EEA1: variants seen among roughly 807,000 people sequenced by gnomAD.
The protein encoded by EEA1 is early endosome antigen 1.
In EEA1, 111 loss-of-function variants were observed where a neutral mutation model predicts 209.2. The observed-to-expected ratio is 0.53, with a 90% confidence interval of 0.45 to 0.62. The LOEUF (loss-of-function observed/expected upper bound fraction) is 0.62, where lower values mean the gene tolerates loss of function less well. Among genes scored for constraint, EEA1 ranks in the 20% least tolerant of loss-of-function variants. The probability of loss-of-function intolerance (pLI) is 0.00; values close to 1 mark genes in which losing one functional copy is unlikely to be tolerated. For synonymous variants in EEA1, 536 were observed against 540.6 expected, an observed-to-expected ratio of 0.99 and a Z score of 0.12; for missense variants, 1,343 against 1,530.8, an observed-to-expected ratio of 0.88 and a Z score of 2.05.
intron 2 of EEA1, among the ~76,000 whole-genome samples, chr12:92,883,122 T>C (rs1186406625): frequency 6.6e-6 from 1 of 152,254 alleles, no homozygotes; most frequent in Non-Finnish European, 1.5e-5. Flanking sequence ...TGGTGTGAGA[T>C]GGTATCTCAT....
rs776146912 is a variant in EEA1 at position 92,801,696 on chromosome 12, T to C, written c.2676A>G (p.Lys892=). 10 of 1,577,884 alleles carry C rather than the reference T, an allele frequency of 6.3e-6. No individual in the cohort carries two copies. The African/African-American group carries it at 1.4e-4, about 22-fold the overall frequency. ...GTTGATGCTTTAATTCTTTGCAAGT[T>C]TTTTCCTTAAAAAAAATGAAAACTA... The part of the protein sequence containing the change: ...KGKAAILDLE[K]TCKELKHQLQ... Residue 892 remains lysine (K), a synonymous_variant, in exon 20 of 29, where the codon AAA becomes AAG. Coordinates refer to ENST00000322349, the MANE Select transcript of EEA1 (RefSeq NM_003566.4).
intron 2 of EEA1, among the ~76,000 whole-genome samples, chr12:92,876,083 T>G (rs1419332577): frequency 6.6e-6 from 1 of 152,122 alleles, no homozygotes; most frequent in Non-Finnish European, 1.5e-5. Flanking sequence ...TTTATTTATT[T>G]ATTTTTGAGA....
chr12:92,802,779 C>A, intron 18 of EEA1, 45 bp from the exon 19 acceptor site: 1 of 1,386,972 alleles, frequency 7.2e-7, no homozygotes, highest in South Asian at 1.5e-5. Context: ...CATAATTTAC[C>A]ACTTCTAATT....
intron 21 of EEA1, among the ~76,000 whole-genome samples, chr12:92,789,575 G>T (rs757308539): frequency 1.3e-5 from 2 of 152,100 alleles, no homozygotes; most frequent in African/African-American, 2.4e-5. Context: ...GGAGAGGGGG[G>T]TCTGCCATTG....
At chr12:92,793,405 C>T (rs986656480) in intron 21 of EEA1, among the ~76,000 whole-genome samples, 9 of 152,318 alleles carry the variant, frequency 5.9e-5, no homozygotes, top group African/African-American at 1.9e-4. Flanking sequence ...CCAAAATCTC[C>T]TTAAGCTGAT....
At chr12:92,843,845 T>C (rs1216552005) in intron 9 of EEA1, among the ~76,000 whole-genome samples, 1 of 152,166 alleles carries the variant, frequency 6.6e-6, no homozygotes, top group Non-Finnish European at 1.5e-5. Context: ...AATGAGTGCT[T>C]TCATCTTCAA....
In EEA1 at chr12:92,832,844, T is replaced by C. The variant is rs1876723831; in HGVS notation, c.922A>G (p.Thr308Ala). ...TGTTCTTTTTTCAGCAAGTTTTCTG[T>C]CAAGGTCTAAAATATCAATTTAACA... ...NELTQKNQTL[T>A]ENLLKKEQDY... Residue 308 changes from threonine to alanine, a missense_variant, in exon 11 of 29, where the codon ACA becomes GCA. Coordinates refer to ENST00000322349, the MANE Select transcript of EEA1 (RefSeq NM_003566.4). 1 of 1,598,794 alleles carries C rather than the reference T, an allele frequency of 6.3e-7. No homozygotes were observed. The highest frequency in any genetic ancestry group is 8.5e-7 in the Non-Finnish European group (1 of 1,174,876).
At chr12:92,813,877 G>T (rs1396231315) in intron 15 of EEA1, among the ~76,000 whole-genome samples, 2 of 152,092 alleles carry the variant, frequency 1.3e-5, no homozygotes, top group Non-Finnish European at 2.9e-5. Context: ...GCTGGGCATG[G>T]TGGCATGCAC....
intron 21 of EEA1, among the ~76,000 whole-genome samples, chr12:92,793,139 CA>C (rs1874489448): frequency 6.6e-6 from 1 of 152,052 alleles, no homozygotes; most frequent in African/African-American, 2.4e-5. Flanking sequence ...CTCAAAATAA[CA>C]AGAACTACTT....
In EEA1 at chr12:92,893,831, C is replaced by A. The variant is rs961531509; in HGVS notation, c.25-2110G>T. ...TGTTTTATGTTAAAGATAAGCAAAC[C>A]TCCAGTTTAATAGCCAGCATTCCTT... On this transcript the variant is annotated intron_variant, in intron 1 of 28. Coordinates refer to ENST00000322349, the MANE Select transcript of EEA1 (RefSeq NM_003566.4). Among the ~76,000 whole-genome samples, 2 of 151,732 alleles carry A rather than the reference C, an allele frequency of 1.3e-5. 1 individual carries two copies. Among genetic ancestry groups the A allele is most frequent in the Admixed American group, 1.3e-4 (2 of 15,228 alleles).
chr12:92,862,528 G>A (rs1463007170), intron 3 of EEA1, among the ~76,000 whole-genome samples: 1 of 151,948 alleles, frequency 6.6e-6, no homozygotes, highest in Non-Finnish European at 1.5e-5. Flanking sequence ...ACCAGGAGTT[G>A]GAGGCTACAG....
At chr12:92,788,705 G>A (rs1874249992) in intron 21 of EEA1, among the ~76,000 whole-genome samples, 1 of 152,130 alleles carries the variant, frequency 6.6e-6, no homozygotes, top group Non-Finnish European at 1.5e-5. Flanking sequence ...TAAAATTGCT[G>A]TTGAAGTCAT....
intron 3 of EEA1, chr12:92,858,895 C>CA (rs1355443237): frequency 1.4e-6 from 1 of 713,864 alleles, no homozygotes; most frequent in Non-Finnish European, 2.6e-6. Flanking sequence ...CCATTATGGA[C>CA]ACTTACAGAG....
chr12:92,904,978 T>C (rs143143555), intron 1 of EEA1, among the ~76,000 whole-genome samples: 2 of 152,324 alleles, frequency 1.3e-5, no homozygotes, highest in African/African-American at 4.8e-5. Flanking sequence ...CCCCTCTCTA[T>C]GCCTGAAGGT....
At chr12:92,888,258 T>G (rs557354302) in intron 2 of EEA1, among the ~76,000 whole-genome samples, 1 of 152,274 alleles carries the variant, frequency 6.6e-6, no homozygotes, top group African/African-American at 2.4e-5. Context: ...GTCCTCATTT[T>G]AAAAAAATCC....
In EEA1 at chr12:92,776,927, CT is replaced by C; in HGVS notation, c.4029del (p.Ala1344ArgfsTer2). ...ENQSLQIKHTQALNRKWAEDN... is the reference protein window; with the variant it reads ...ENQSLQIKHTXALNRKWAEDN... ...TCTTCGGCCCACTTTCTATTCAACGCTTGTGTATGTTTGATCTGTTTTTTAA... is the reference window on the plus strand; with the variant it reads ...TCTTCGGCCCACTTTCTATTCAACGCTGTGTATGTTTGATCTGTTTTTTAA... On this transcript the variant is annotated frameshift_variant, in exon 28 of 29. Coordinates refer to ENST00000322349, the MANE Select transcript of EEA1 (RefSeq NM_003566.4). LOFTEE classifies it high-confidence loss of function. 6.2e-7 allele frequency: 1 copy of C among 1,611,590 alleles called. No homozygotes were observed. Among genetic ancestry groups the C allele is most frequent in the Non-Finnish European group, 8.5e-7 (1 of 1,178,296 alleles).
intron 16 of EEA1, among the ~76,000 whole-genome samples, chr12:92,812,040 G>A (rs1398614923): frequency 6.6e-6 from 1 of 151,884 alleles, no homozygotes; most frequent in Non-Finnish European, 1.5e-5. Flanking sequence ...TTAAAAAATG[G>A]ACCAATAAAG....
intron 1 of EEA1, among the ~76,000 whole-genome samples, chr12:92,919,119 A>C (rs1438035680): frequency 6.6e-6 from 1 of 151,568 alleles, no homozygotes; most frequent in Non-Finnish European, 1.5e-5. Context: ...TTACCAACCA[A>C]AAAGGGTCCA....
chr12:92,847,109 C>G (rs1489464165), intron 9 of EEA1, among the ~76,000 whole-genome samples: 1 of 152,058 alleles, frequency 6.6e-6, no homozygotes, highest in Non-Finnish European at 1.5e-5. Context: ...TGCGCCACCA[C>G]ACACCCGGCT....
Sources: gnomAD v4.1 joint callset for allele counts (sites outside exome capture counted in the v4.1 genomes callset) on GRCh38, gnomAD v4.1.1 for gene constraint, MANE v1.5 for transcripts, NCBI Gene and HGNC (gene_info 2026-07-23, HGNC 2026-07-21) for gene names.